Variants in REPS2 observed in about 807,000 individuals in gnomAD.
The protein encoded by REPS2 is RALBP1 associated Eps domain containing 2.
A neutral mutation model predicts 53.6 loss-of-function variants in REPS2; 23 were observed. The observed-to-expected ratio is 0.43, with a 90% confidence interval of 0.31 to 0.61. REPS2 has a LOEUF of 0.61. Among genes scored for constraint, REPS2 ranks in the 20% least tolerant of loss-of-function variants. REPS2 has a pLI of 0.11. For missense variants in REPS2, 446 were observed against 534.9 expected (o/e 0.83, Z 1.64); for synonymous variants, 238 against 218.6 (o/e 1.09, Z -0.78).
chrX:17,177,044 C>T, the REPS2 span, among the ~76,000 whole-genome samples: 1 of 111,946 alleles, frequency 8.9e-6, no homozygotes. Flanking sequence ...AGGGATTTTT[C>T]ACAGCTGCTA....
chrX:17,100,140 A>C, intron 13 of REPS2: 1 of 725,688 alleles, frequency 1.4e-6, no homozygotes. Context: ...AGGTCAGGGC[A>C]ATCCAAGTTC....
At chrX:16,969,553 G>C (rs1456038400) in intron 1 of REPS2, among the ~76,000 whole-genome samples, 1 of 109,537 alleles carries the variant, frequency 9.1e-6, no homozygotes, top group South Asian at 4.0e-4. Context: ...GCGAAACCCC[G>C]TCTCCACCAA....
At chrX:16,995,170 A>G in intron 1 of REPS2, among the ~76,000 whole-genome samples, 1 of 112,233 alleles carries the variant, frequency 8.9e-6, no homozygotes, top group South Asian at 3.7e-4. Context: ...GTGTGCTGAT[A>G]GCCATTTGTA....
Position 17,048,198 on chromosome X carries a change from C to A in REPS2, c.907+716C>A, listed in dbSNP as rs778452140. 2.5e-3 allele frequency among the ~76,000 whole-genome samples: 276 copies of A among 112,499 alleles called. 1 individual carries two copies. The highest frequency in any genetic ancestry group is 7.6e-3 in the African/African-American group (236 of 31,013). ...AACAATATGTCCTTAATAATTGTAA[C>A]CTGCCATATTGAAGTGTGGGCAAAG... On this transcript the variant is annotated intron_variant, in intron 6 of 17. Coordinates refer to ENST00000357277, the MANE Select transcript of REPS2 (RefSeq NM_004726.3).
intron 2 of REPS2, among the ~76,000 whole-genome samples, chrX:17,013,340 A>G (rs750678476): frequency 1.8e-5 from 2 of 112,230 alleles, no homozygotes; most frequent in Non-Finnish European, 3.8e-5. Context: ...TTTTTTAATC[A>G]TACAAGAAAG....
chrX:16,964,736 G>A (rs1471410109), intron 1 of REPS2, among the ~76,000 whole-genome samples: 123 of 101,994 alleles, frequency 1.2e-3, no homozygotes, highest in African/African-American at 4.1e-3. Context: ...AGGGGCGGCC[G>A]GGCAGAGGCG....
chrX:16,959,563 G>A (rs5924535), intron 1 of REPS2, among the ~76,000 whole-genome samples: 47,465 of 110,504 alleles, frequency 0.43, 7,762 homozygotes, highest in Middle Eastern at 0.57. Flanking sequence ...ATAAATTCAA[G>A]GCAGTAGAGA....
chrX:16,953,140 C>A (rs868715613), intron 1 of REPS2, among the ~76,000 whole-genome samples: 2 of 75,532 alleles, frequency 2.6e-5, no homozygotes, highest in African/African-American at 9.6e-5. Context: ...CACACACACA[C>A]ACACAAACAC....
At chrX:17,196,497 C>T in the REPS2 span, among the ~76,000 whole-genome samples, 5 of 111,684 alleles carry the variant, frequency 4.5e-5, no homozygotes, top group Admixed American at 4.7e-4. Context: ...CCCCAGAGAG[C>T]TGCCTTGCTC....
downstream of REPS2, among the ~76,000 whole-genome samples, chrX:17,154,905 A>C (rs1476456538): frequency 1.8e-5 from 2 of 111,690 alleles, no homozygotes; most frequent in Non-Finnish European, 3.8e-5. Flanking sequence ...GATTATGAGG[A>C]TTCAGGAAGG....
intron 8 of REPS2, among the ~76,000 whole-genome samples, chrX:17,060,298 A>C (rs1277773805): frequency 3.6e-5 from 4 of 111,126 alleles, no homozygotes; most frequent in Non-Finnish European, 7.5e-5. Flanking sequence ...GTGAGATTCC[A>C]TTTCAAAAAT....
chrX:17,042,619 G>A (rs1344319681), intron 5 of REPS2, among the ~76,000 whole-genome samples: 1 of 110,876 alleles, frequency 9.0e-6, no homozygotes, highest in Non-Finnish European at 1.9e-5. Flanking sequence ...ACTTCCTCAA[G>A]CTTGCCAATA....
chrX:17,132,150 A>G, intron 14 of REPS2, among the ~76,000 whole-genome samples: 1 of 112,208 alleles, frequency 8.9e-6, no homozygotes, highest in Non-Finnish European at 1.9e-5. Context: ...GCTGTTTAAC[A>G]ACTTTTCATG....
intron 1 of REPS2, among the ~76,000 whole-genome samples, chrX:16,993,012 CTA>C (rs2061181871): frequency 8.9e-6 from 1 of 112,031 alleles, no homozygotes; most frequent in African/African-American, 3.2e-5. Flanking sequence ...ATGGCACCAG[CTA>C]TATATACATG....
Position 17,126,427 on chromosome X carries a change from A to G in REPS2, c.1579-7397A>G, listed in dbSNP as rs902258836. Among the ~76,000 whole-genome samples the G allele has an allele frequency of 5.3e-5, 6 of 112,678 alleles. No homozygotes were observed. The South Asian group carries it at 1.1e-3, about 21-fold the overall frequency. ...CCTTTGTTCCTCTAAAATCCAGTCTATAGTCAATGTTTCTCAAAGTATGTT... is the reference window on the plus strand; with the variant it reads ...CCTTTGTTCCTCTAAAATCCAGTCTGTAGTCAATGTTTCTCAAAGTATGTT... On this transcript the variant is annotated intron_variant, in intron 14 of 17. Transcript: ENST00000357277.
downstream of REPS2, among the ~76,000 whole-genome samples, chrX:17,158,115 T>C (rs1250213884): frequency 2.7e-5 from 3 of 112,262 alleles, no homozygotes; most frequent in African/African-American, 9.7e-5. Flanking sequence ...AGTTGAGTTG[T>C]TACATACACA....
At chrX:17,050,133 C>CCTTCCTTCCTTTCTTTCTTTCTTT (rs1569148127) in intron 6 of REPS2, among the ~76,000 whole-genome samples, 1 of 36,706 alleles carries the variant, frequency 2.7e-5, no homozygotes, top group African/African-American at 9.3e-5. Context: ...TTTCTTTCTT[C>CCTTCCTTCCTTTCTTTCTTTCTTT]CTTTCTTCCT....
At chrX:17,182,730 A>AG in the REPS2 span, among the ~76,000 whole-genome samples, 1 of 112,597 alleles carries the variant, frequency 8.9e-6, no homozygotes, top group African/African-American at 3.2e-5. Flanking sequence ...CATGCAGCCC[A>AG]GTGACTGGCA....
At chrX:17,012,669 A>G (rs1031831145) in intron 2 of REPS2, among the ~76,000 whole-genome samples, 1 of 110,948 alleles carries the variant, frequency 9.0e-6, no homozygotes, top group Non-Finnish European at 1.9e-5. Context: ...GTGTTCCCCA[A>G]ACTGGTTTAT....
Sources: gnomAD v4.1 joint callset for allele counts (sites outside exome capture counted in the v4.1 genomes callset) on GRCh38, gnomAD v4.1.1 for gene constraint, MANE v1.5 for transcripts, NCBI Gene and HGNC (gene_info 2026-07-23, HGNC 2026-07-21) for gene names.